SV2C: variants seen among roughly 807,000 people sequenced by gnomAD.
SV2C encodes the protein solute carrier family 22 member B3.
A neutral mutation model predicts 79.7 loss-of-function variants in SV2C; 49 were observed. The observed-to-expected ratio is 0.61, with a 90% confidence interval of 0.49 to 0.78. The LOEUF is 0.78. Among genes scored for constraint, SV2C ranks in the 30% least tolerant of loss-of-function variants. The pLI, the probability that SV2C is intolerant of heterozygous loss-of-function variation, is 0.00. For missense variants in SV2C, 833 were observed against 912.9 expected (o/e 0.91, Z 1.13); for synonymous variants, 334 against 333.2 (o/e 1.00, Z -0.03).
chr5:75,933,739 A>C, the SV2C span, among the ~76,000 whole-genome samples: 1 of 152,094 alleles, frequency 6.6e-6, no homozygotes, highest in African/African-American at 2.4e-5. Flanking sequence ...TTCCTGTCTT[A>C]ATTACCCCTT....
the SV2C span, among the ~76,000 whole-genome samples, chr5:75,973,777 T>A: frequency 6.6e-6 from 1 of 152,038 alleles, no homozygotes; most frequent in Admixed American, 6.6e-5. Context: ...ATATATTTAA[T>A]TTGAATGAAT....
chr5:76,084,700 G>A (rs1580252894), intron 1 of SV2C, among the ~76,000 whole-genome samples: 1 of 150,972 alleles, frequency 6.6e-6, no homozygotes, highest in Non-Finnish European at 1.5e-5. Flanking sequence ...GCGGGCGGGG[G>A]TGGCGGGCGG....
the SV2C span, among the ~76,000 whole-genome samples, chr5:75,885,126 C>T: frequency 6.6e-6 from 1 of 152,018 alleles, no homozygotes; most frequent in Non-Finnish European, 1.5e-5. Context: ...GCTCTTTGTG[C>T]AAAAGAAATT....
the SV2C span, among the ~76,000 whole-genome samples, chr5:76,045,964 A>G: frequency 4.5e-4 from 68 of 152,342 alleles, no homozygotes; most frequent in African/African-American, 1.6e-3. Flanking sequence ...TAGAGCATCT[A>G]TAATGTTGCA....
At chr5:76,138,411 C>A (rs545861817) in intron 2 of SV2C, among the ~76,000 whole-genome samples, 1 of 152,334 alleles carries the variant, frequency 6.6e-6, no homozygotes, top group African/African-American at 2.4e-5. Context: ...GAAAGATGAT[C>A]TGGAAATTCA....
chr5:76,330,394 A>G lies in SV2C; in HGVS notation c.*4847A>G, dbSNP rs1381546901. Reference sequence around the variant, plus strand: ...GCCTTCACTGATCTCTTGTCATTTCATATGATTATCCAGTAAATACTTATT... The same window carrying G: ...GCCTTCACTGATCTCTTGTCATTTCGTATGATTATCCAGTAAATACTTATT... On this transcript the variant is annotated 3_prime_UTR_variant, in exon 13 of 13. Coordinates refer to ENST00000502798, the MANE Select transcript of SV2C (RefSeq NM_014979.4). The G allele has an allele frequency of 6.6e-6, 1 of 152,172 alleles. No homozygotes were observed. The highest frequency in any genetic ancestry group is 2.4e-5 in the African/African-American group (1 of 41,432). The allele number at this position is 152,172 out of a possible 1,614,324, so 9.4% of individuals were successfully genotyped here.
At chr5:76,116,085 C>T (rs1003709489) in intron 1 of SV2C, among the ~76,000 whole-genome samples, 1 of 152,230 alleles carries the variant, frequency 6.6e-6, no homozygotes, top group African/African-American at 2.4e-5. Flanking sequence ...TATAACCCTG[C>T]ACCATCCAAC....
At chr5:76,102,417 C>G (rs1454125436) in intron 1 of SV2C, among the ~76,000 whole-genome samples, 2 of 152,144 alleles carry the variant, frequency 1.3e-5, no homozygotes, top group Non-Finnish European at 2.9e-5. Context: ...CCACCTTAGG[C>G]ACCCTTCCAA....
At chr5:75,853,433 G>A in the SV2C span, among the ~76,000 whole-genome samples, 1 of 151,274 alleles carries the variant, frequency 6.6e-6, no homozygotes, top group South Asian at 2.1e-4. Context: ...GCGGGCGCCT[G>A]TAGTCCCAGC....
At chr5:76,021,909 C>T in the SV2C span, among the ~76,000 whole-genome samples, 1 of 152,106 alleles carries the variant, frequency 6.6e-6, no homozygotes, top group Non-Finnish European at 1.5e-5. Flanking sequence ...CCTGTTCTTA[C>T]AGTCAAAATC....
chr5:76,006,996 C>T, the SV2C span, among the ~76,000 whole-genome samples: 2 of 152,140 alleles, frequency 1.3e-5, no homozygotes, highest in Non-Finnish European at 2.9e-5. Flanking sequence ...ACTTAATCCT[C>T]ACAACAACTT....
At chr5:75,878,320 A>T in the SV2C span, among the ~76,000 whole-genome samples, 3 of 152,092 alleles carry the variant, frequency 2.0e-5, no homozygotes, top group African/African-American at 7.2e-5. Context: ...TCCTATATCC[A>T]TTTTGCAGTT....
At chr5:76,062,112 T>G in the SV2C span, among the ~76,000 whole-genome samples, 2 of 151,436 alleles carry the variant, frequency 1.3e-5, no homozygotes, top group African/African-American at 4.9e-5. Flanking sequence ...AACTGGGTAG[T>G]TTTTTTTTAT....
chr5:75,911,967 TC>T, the SV2C span: 2 of 339,880 alleles, frequency 5.9e-6, no homozygotes, highest in South Asian at 5.3e-5. Context: ...CCAGCAACCA[TC>T]CCTGGGTTCT....
In SV2C at chr5:76,328,907, C is replaced by G. The variant is rs376423362; in HGVS notation, c.*3360C>G. On this transcript the variant is annotated 3_prime_UTR_variant, in exon 13 of 13. Coordinates refer to ENST00000502798, the MANE Select transcript of SV2C (RefSeq NM_014979.4). ...AGCCTCCCAAGTAGCTGGGACCACA[C>G]GCATGCGCCACCACGCCCAGCTAAT... The G allele has an allele frequency of 5.9e-5, 9 of 152,038 alleles. No homozygotes were observed. The South Asian group carries it at 1.7e-3, about 28-fold the overall frequency. 9.4% of individuals were successfully genotyped at this position (152,038 alleles called of 1,614,324 possible). A position where few individuals can be genotyped will look rare whatever the true frequency, so the allele number is the denominator to read the frequency against.
chr5:76,344,222 T>G (rs1018894158), intron 12 of SV2C, among the ~76,000 whole-genome samples: 3 of 152,208 alleles, frequency 2.0e-5, no homozygotes, highest in Non-Finnish European at 4.4e-5. Context: ...TAAGTATGAT[T>G]TTAAGTGCCA....
At chr5:76,167,809 G>T (rs959063474) in intron 2 of SV2C, among the ~76,000 whole-genome samples, 2 of 152,170 alleles carry the variant, frequency 1.3e-5, no homozygotes, top group Non-Finnish European at 2.9e-5. Context: ...ATCTTTATCA[G>T]CTGAGTTATA....
intron 2 of SV2C, among the ~76,000 whole-genome samples, chr5:76,188,999 C>G (rs1365369341): frequency 6.6e-6 from 1 of 151,910 alleles, no homozygotes; most frequent in Non-Finnish European, 1.5e-5. Context: ...GGGAGAGAGG[C>G]ACCCCACTCC....
intron 2 of SV2C, among the ~76,000 whole-genome samples, chr5:76,165,434 A>G (rs1018415071): frequency 6.6e-6 from 1 of 152,168 alleles, no homozygotes; most frequent in African/African-American, 2.4e-5. Context: ...CCTCACCAGT[A>G]CAACCAGGGT....
Sources: allele counts gnomAD v4.1 joint callset (sites outside exome capture counted in the v4.1 genomes callset), GRCh38; gene constraint gnomAD v4.1.1; transcripts MANE v1.5; gene names NCBI Gene and HGNC (gene_info 2026-07-23, HGNC 2026-07-21).